FAF1: variants seen among roughly 807,000 people sequenced by gnomAD.
FAF1 encodes the protein FAS-associated factor 1.
FAF1 carries 25 observed loss-of-function variants against 92.5 expected under a neutral mutation model. The observed-to-expected ratio is 0.27, with a 90% confidence interval of 0.20 to 0.38. The LOEUF (loss-of-function observed/expected upper bound fraction) is 0.38. Among genes scored for constraint, FAF1 ranks in the 10% least tolerant of loss-of-function variants. FAF1 has a pLI of 1.00. For missense variants in FAF1, 636 were observed against 793.3 expected, an observed-to-expected ratio of 0.80 and a Z score of 2.38; for synonymous variants, 234 against 273.2, an observed-to-expected ratio of 0.86 and a Z score of 1.42.
chr1:50,698,312 A>G (rs1240768700), intron 7 of FAF1, among the ~76,000 whole-genome samples: 1 of 152,214 alleles, frequency 6.6e-6, no homozygotes, highest in Non-Finnish European at 1.5e-5. Flanking sequence ...TTCCCAACAC[A>G]TACCCTAGGA....
chr1:50,652,405 T>C lies in FAF1; in HGVS notation c.744+3037A>G, dbSNP rs74080039. ...AGGCACTATTTTACAGGCAGAAGAA[T>C]TGATCATATTTCATCGACTTTGCCT... On this transcript the variant is annotated intron_variant, in intron 8 of 18. Transcript: ENST00000396153. Among the ~76,000 whole-genome samples the C allele has an allele frequency of 7.9e-3, 1,196 of 152,322 alleles. 12 individuals are homozygous for C. Among genetic ancestry groups the C allele is most frequent in the African/African-American group, 0.027 (1,126 of 41,572 alleles).
intron 6 of FAF1, among the ~76,000 whole-genome samples, chr1:50,709,146 T>G (rs1301653922): frequency 6.6e-6 from 1 of 152,200 alleles, no homozygotes; most frequent in African/African-American, 2.4e-5. Flanking sequence ...TCCCCTCATG[T>G]CAAAAACAAG....
intron 1 of FAF1, among the ~76,000 whole-genome samples, chr1:50,864,487 C>G (rs1362836859): frequency 6.6e-6 from 1 of 152,008 alleles, no homozygotes; most frequent in Admixed American, 6.6e-5. Flanking sequence ...GGTACCAAAA[C>G]AGAGATATAG....
chr1:50,856,964 T>C (rs1405286752), intron 2 of FAF1, among the ~76,000 whole-genome samples: 1 of 151,840 alleles, frequency 6.6e-6, no homozygotes, highest in Non-Finnish European at 1.5e-5. Context: ...TTTTTAAATT[T>C]AATCACATAA....
chr1:50,743,288 A>T (rs1659458195), intron 5 of FAF1, among the ~76,000 whole-genome samples: 1 of 152,304 alleles, frequency 6.6e-6, no homozygotes, highest in East Asian at 1.9e-4. Context: ...CACGAAGAAG[A>T]ACTGAACCAA....
At chr1:50,767,734 T>C (rs1018298995) in intron 4 of FAF1, among the ~76,000 whole-genome samples, 9 of 152,200 alleles carry the variant, frequency 5.9e-5, no homozygotes, top group Admixed American at 5.2e-4. Flanking sequence ...TGAATCCTTT[T>C]CAGATGAGCA....
chr1:50,518,435 GTTTC>G (rs1373499580), intron 15 of FAF1, among the ~76,000 whole-genome samples: 2 of 150,790 alleles, frequency 1.3e-5, no homozygotes, highest in Middle Eastern at 3.4e-3. Flanking sequence ...TCATGCACAA[GTTTC>G]TTTCTTTTTT....
chr1:50,784,212 A>G lies in FAF1; in HGVS notation c.367+3788T>C, dbSNP rs565273465. 7.2e-5 allele frequency among the ~76,000 whole-genome samples: 11 copies of G among 152,274 alleles called. No homozygotes were observed. In the South Asian group the frequency reaches 2.3e-3, roughly 32 times the overall value. On this transcript the variant is annotated intron_variant, in intron 4 of 18. Coordinates refer to ENST00000396153, the MANE Select transcript of FAF1 (RefSeq NM_007051.3). ...CAATTAAGCAAGAAAAACAAAAGAC[A>G]TCCAAATTGGAAAGGAAGAAATACA...
intron 2 of FAF1, among the ~76,000 whole-genome samples, chr1:50,833,409 G>A (rs921872938): frequency 3.3e-5 from 5 of 151,788 alleles, no homozygotes; most frequent in South Asian, 2.1e-4. Flanking sequence ...GTGTGGGGGC[G>A]GGTGTGTGGG....
chr1:50,546,659 C>T (rs1423798872), intron 13 of FAF1, among the ~76,000 whole-genome samples: 2 of 151,998 alleles, frequency 1.3e-5, no homozygotes, highest in African/African-American at 4.8e-5. Flanking sequence ...ATACCGCGCC[C>T]GGCCATTAAT....
intron 18 of FAF1, chr1:50,452,315 G>A (rs1201128705): frequency 7.3e-6 from 3 of 412,248 alleles, no homozygotes; most frequent in Non-Finnish European, 1.3e-5. Flanking sequence ...ATTCTGTAGT[G>A]TGGCAAGATA....
chr1:50,576,117 C>T (rs1650721439), intron 12 of FAF1, among the ~76,000 whole-genome samples: 1 of 152,148 alleles, frequency 6.6e-6, no homozygotes, highest in Admixed American at 6.5e-5. Flanking sequence ...TGTTATTTTA[C>T]AAACATTTCT....
intron 12 of FAF1, among the ~76,000 whole-genome samples, chr1:50,582,219 C>A (rs1174086230): frequency 6.6e-6 from 1 of 152,110 alleles, no homozygotes; most frequent in Non-Finnish European, 1.5e-5. Flanking sequence ...CTTCTAAGCA[C>A]ATCCACCTTT....
rs1324627413 is a variant in FAF1 at position 50,658,579 on chromosome 1, C to T, written c.658-3051G>A. On this transcript the variant is annotated intron_variant, in intron 7 of 18. Coordinates refer to ENST00000396153, the MANE Select transcript of FAF1 (RefSeq NM_007051.3). ...GCTATAGTGTTATGTTGGTATTAAG[C>T]ACAACGCCAGACTGATGTGCTGAAC... 2.0e-5 allele frequency among the ~76,000 whole-genome samples: 3 copies of T among 152,284 alleles called. No individual in the cohort carries two copies. In the East Asian group the frequency reaches 5.8e-4, roughly 29 times the overall value.
intron 15 of FAF1, among the ~76,000 whole-genome samples, chr1:50,523,764 T>C (rs1319271786): frequency 6.6e-6 from 1 of 152,240 alleles, no homozygotes; most frequent in African/African-American, 2.4e-5. Context: ...GGTGTATATA[T>C]ACCACATTTT....
intron 9 of FAF1, among the ~76,000 whole-genome samples, chr1:50,594,631 G>C (rs1265925384): frequency 2.0e-5 from 3 of 151,222 alleles, no homozygotes; most frequent in African/African-American, 7.3e-5. Context: ...AGGCCGGGGG[G>C]GGTGGGGGTT....
At chr1:50,943,694 A>G (rs72904783) in intron 1 of FAF1, among the ~76,000 whole-genome samples, 207 of 151,222 alleles carry the variant, frequency 1.4e-3, no homozygotes, top group African/African-American at 4.7e-3. Context: ...AGTTTCCCCA[A>G]GCAAGCAAGC....
intron 9 of FAF1, among the ~76,000 whole-genome samples, chr1:50,592,334 A>G (rs1292594380): frequency 1.3e-5 from 2 of 152,106 alleles, no homozygotes; most frequent in African/African-American, 4.8e-5. Context: ...AGAACTGAAC[A>G]ATTCCCAAGG....
chr1:50,524,008 AAC>A (rs918766077), intron 15 of FAF1, among the ~76,000 whole-genome samples: 5 of 152,112 alleles, frequency 3.3e-5, no homozygotes, highest in African/African-American at 9.7e-5. Flanking sequence ...CACTCCCACT[AAC>A]AGTGTGTAAG....
Sources: allele counts gnomAD v4.1 joint callset (sites outside exome capture counted in the v4.1 genomes callset), GRCh38; gene constraint gnomAD v4.1.1; transcripts MANE v1.5; gene names NCBI Gene and HGNC (gene_info 2026-07-23, HGNC 2026-07-21).